The following NCOR1 variants were observed in gnomAD, a reference collection of about 807,000 sequenced individuals.
The protein encoded by NCOR1 is nuclear receptor corepressor 1.
In NCOR1, 63 loss-of-function variants were observed where a neutral mutation model predicts 288.1. The ratio of observed to expected loss-of-function variants is 0.22; its 90% CI spans 0.18 to 0.27. The LOEUF (loss-of-function observed/expected upper bound fraction) is 0.27, where lower values mean the gene tolerates loss of function less well. Among genes scored for constraint, NCOR1 ranks in the 10% least tolerant of loss-of-function variants. The pLI is 1.00. For missense variants in NCOR1, 2,397 were observed against 3,019.2 expected (o/e 0.79, Z 4.83); for synonymous variants, 1,007 against 1,065.9 (o/e 0.94, Z 1.08).
chr17:16,080,918 T>A (rs1027902282), intron 23 of NCOR1, among the ~76,000 whole-genome samples, 191 bp from the exon 24 acceptor site: 3 of 151,796 alleles, frequency 2.0e-5, no homozygotes, highest in Admixed American at 6.6e-5. Context: ...ATAAAAAAAA[T>A]TTTAAAGGGA....
chr17:16,191,635 C>CA (rs1247928621), intron 2 of NCOR1, among the ~76,000 whole-genome samples: 1 of 151,758 alleles, frequency 6.6e-6, no homozygotes, highest in East Asian at 1.9e-4. Context: ...AACAGAGGTC[C>CA]AGTGAACTGT....
intron 35 of NCOR1, among the ~76,000 whole-genome samples, 199 bp from the exon 36 acceptor site, chr17:16,062,469 G>A (rs572055106): frequency 9.2e-5 from 14 of 152,190 alleles, no homozygotes; most frequent in African/African-American, 2.9e-4. Context: ...CAATAAAACC[G>A]CAGCAGTAAC....
intron 23 of NCOR1, among the ~76,000 whole-genome samples, chr17:16,081,576 T>G (rs73981440): frequency 0.068 from 10,282 of 152,114 alleles, 541 homozygotes; most frequent in African/African-American, 0.15. Context: ...AGGATGGAGC[T>G]CCTTAAAAGC....
chr17:16,071,285 G>C, intron 30 of NCOR1, 124 bp downstream of exon 30: 2 of 1,379,130 alleles, frequency 1.5e-6, no homozygotes, highest in Non-Finnish European at 2.0e-6. Context: ...AAAGGTACAG[G>C]AAACTTTCAT....
rs559244353 is a variant in NCOR1, at chr17:16,050,580, C to T, written c.6393-1592G>A. ...TATGAAAGCCACCTGTGACTTTCAA[C>T]ATCTGGAATTATGACTATTAGACTA... On this transcript the variant is annotated intron_variant, in intron 40 of 45. Transcript: ENST00000268712. 5.3e-5 allele frequency among the ~76,000 whole-genome samples: 8 copies of T among 152,284 alleles called. No individual in the cohort carries two copies. The East Asian group carries it at 1.5e-3, about 29-fold the overall frequency.
At position 16,181,678 on chromosome 17, in the gene NCOR1, T is replaced by C. The variant is rs898745518; in HGVS notation, c.242+4876A>G. Among the ~76,000 whole-genome samples the C allele has an allele frequency of 2.2e-5, 3 of 139,398 alleles. No homozygotes were observed. In the South Asian group the frequency reaches 6.8e-4, roughly 31 times the overall value. 91.5% of individuals were successfully genotyped at this position (139,398 alleles called of 152,430 possible). A position where few individuals can be genotyped will look rare whatever the true frequency, so the allele number is the denominator to read the frequency against. ...AAACTATGTGTATCCCATAACACCATGTAAACCTCAAATATACATAATAAA... is the reference window on the plus strand; with the variant it reads ...AAACTATGTGTATCCCATAACACCACGTAAACCTCAAATATACATAATAAA... On this transcript the variant is annotated intron_variant, in intron 3 of 45. Transcript: ENST00000268712.
intron 41 of NCOR1, 130 bp from the exon 42 acceptor site, chr17:16,047,223 G>T: frequency 1.1e-6 from 1 of 917,142 alleles, no homozygotes; most frequent in Non-Finnish European, 1.6e-6. Flanking sequence ...TGTGGTTACA[G>T]CCCTAAGAAA....
At chr17:16,093,582 A>G (rs1052447079) in intron 21 of NCOR1, among the ~76,000 whole-genome samples, 2 of 152,224 alleles carry the variant, frequency 1.3e-5, no homozygotes, top group African/African-American at 4.8e-5. Context: ...ATATCCCTAG[A>G]AAGCCCTAGA....
intron 27 of NCOR1, among the ~76,000 whole-genome samples, chr17:16,073,977 G>A (rs150140541): frequency 6.6e-6 from 1 of 152,328 alleles, no homozygotes; most frequent in African/African-American, 2.4e-5. Flanking sequence ...AATGAAGGAT[G>A]AATAAGAGTT....
At chr17:16,087,816 CA>C (rs1468886895) in intron 22 of NCOR1, among the ~76,000 whole-genome samples, 1 of 152,108 alleles carries the variant, frequency 6.6e-6, no homozygotes, top group Non-Finnish European at 1.5e-5. Context: ...CAAACTAATT[CA>C]AAAATCCTAC....
At chr17:16,197,991 T>G (rs1008131110) in intron 1 of NCOR1, among the ~76,000 whole-genome samples, 6 of 151,898 alleles carry the variant, frequency 4.0e-5, no homozygotes, top group African/African-American at 1.5e-4. Flanking sequence ...ATACATACAC[T>G]CACACTTTTT....
chr17:16,044,402 G>A (rs1434356714), intron 42 of NCOR1: 9 of 471,258 alleles, frequency 1.9e-5, no homozygotes, highest in South Asian at 1.1e-4. Context: ...CATCCACCAG[G>A]CAGTTCACAG....
intron 3 of NCOR1, among the ~76,000 whole-genome samples, chr17:16,184,939 G>A (rs943558329): frequency 6.8e-6 from 1 of 147,706 alleles, no homozygotes; most frequent in Non-Finnish European, 1.5e-5. Flanking sequence ...AGGACATTAT[G>A]CTATGTGAAA....
chr17:16,197,812 G>C (rs566972993), intron 1 of NCOR1, among the ~76,000 whole-genome samples: 21 of 152,146 alleles, frequency 1.4e-4, no homozygotes, highest in African/African-American at 5.1e-4. Flanking sequence ...TCGTGAGGAG[G>C]GTTGATCTTT....
chr17:16,121,732 T>C (rs934790933), intron 15 of NCOR1, among the ~76,000 whole-genome samples: 3 of 152,216 alleles, frequency 2.0e-5, no homozygotes, highest in African/African-American at 2.4e-5. Context: ...ATCCACAATA[T>C]TGTTTTACAG....
At chr17:16,184,442 AC>A (rs1230521646) in intron 3 of NCOR1, among the ~76,000 whole-genome samples, 1 of 152,228 alleles carries the variant, frequency 6.6e-6, no homozygotes, top group African/African-American at 2.4e-5. Flanking sequence ...CGTAAAAATC[AC>A]CAACAGGTAT....
At position 16,079,993 on chromosome 17, in the gene NCOR1, T is replaced by C. The variant is rs1380028447; in HGVS notation, c.3472A>G (p.Ile1158Val). 1.2e-6 allele frequency: 2 copies of C among 1,614,104 alleles called. No individual in the cohort carries two copies. The highest frequency in any genetic ancestry group is 1.1e-5 in the South Asian group (1 of 91,080). The change falls in exon 26 of 46, where the codon ATT becomes GTT. Residue 1158 changes from isoleucine (I) to valine (V), a missense_variant. Physicochemically the swap from Ile to Val is conservative, Grantham distance 29. This residue lies in a region of NCOR1 where 1,872 missense variants were observed against 2,187.8 expected (regional missense o/e 0.86). Coordinates refer to ENST00000268712, the MANE Select transcript of NCOR1 (RefSeq NM_006311.4). ...GTGATAGAGCCCCGTAGGGATGGAA[T>C]GCTCTCCACTGAAATTTTGCTGGTT... ...TPTSKISVESIPSLRGSITQG... is the reference protein window; with the variant it reads ...TPTSKISVESVPSLRGSITQG...
At chr17:16,098,238 T>C (rs2066993916) in intron 21 of NCOR1, 129 bp downstream of exon 21, 3 of 892,802 alleles carry the variant, frequency 3.4e-6, no homozygotes, top group Non-Finnish European at 5.2e-6. Context: ...TTGGTTACGA[T>C]TATTAATTTC....
intron 1 of NCOR1, among the ~76,000 whole-genome samples, chr17:16,208,864 G>T (rs954751119): frequency 6.6e-6 from 1 of 152,016 alleles, no homozygotes; most frequent in African/African-American, 2.4e-5. Context: ...GAAATATTTT[G>T]ATAATTTACT....
Sources: gnomAD v4.1 joint callset for allele counts (sites outside exome capture counted in the v4.1 genomes callset) on GRCh38, gnomAD v4.1.1 for gene constraint, gnomAD v4.1.1 regional missense constraint, MANE v1.5 for transcripts, NCBI Gene and HGNC (gene_info 2026-07-23, HGNC 2026-07-21) for gene names.